NRG1: variants seen among roughly 807,000 people sequenced by gnomAD.
The protein encoded by NRG1 is neuregulin 1.
A neutral mutation model predicts 63.8 loss-of-function variants in NRG1; 18 were observed. The ratio of observed to expected loss-of-function variants is 0.28; its 90% CI spans 0.19 to 0.42. The LOEUF (loss-of-function observed/expected upper bound fraction) is 0.42, where lower values mean the gene tolerates loss of function less well. Among genes scored for constraint, NRG1 ranks in the 10% least tolerant of loss-of-function variants. The pLI, the probability that NRG1 is intolerant of heterozygous loss-of-function variation, is 1.00. For synonymous variants in NRG1, 302 were observed against 301.3 expected (o/e 1.00, Z -0.02); for missense variants, 762 against 814.7 (o/e 0.94, Z 0.79).
chr8:31,691,488 G>GTAGTCCCAGCTACTCA (rs1809505597), intron 1 of NRG1, among the ~76,000 whole-genome samples: 1 of 150,800 alleles, frequency 6.6e-6, no homozygotes, highest in African/African-American at 2.4e-5. Context: ...CCAGCTACTC[G>GTAGTCCCAGCTACTCA]GGAGGCTGAG....
rs150450826 is a variant in NRG1, at chr8:31,919,762, A to C, written c.37+280331A>C. Among the ~76,000 whole-genome samples, 984 of 152,234 alleles carry C rather than the reference A, an allele frequency of 6.5e-3. 10 individuals carry two copies. Among genetic ancestry groups the C allele is most frequent in the African/African-American group, 0.023 (941 of 41,554 alleles). On this transcript the variant is annotated intron_variant, in intron 1 of 10. Transcript: ENST00000519301. ...GGTGAATAAGATGATTCTTACTCTC[A>C]AAGAGCTTATAATTTAGTAGAAGAA...
chr8:32,155,761 C>G (rs1340496078), intron 1 of NRG1, among the ~76,000 whole-genome samples: 2 of 152,174 alleles, frequency 1.3e-5, no homozygotes, highest in Non-Finnish European at 2.9e-5. Context: ...CTAATATCTC[C>G]TATCTCAATG....
intron 6 of NRG1, among the ~76,000 whole-genome samples, chr8:32,734,974 C>T (rs1000682719): frequency 1.3e-5 from 2 of 152,096 alleles, no homozygotes; most frequent in African/African-American, 4.8e-5. Flanking sequence ...AAGTAACAAT[C>T]ATGTTTCATG....
rs1353743871 is a variant in NRG1, at chr8:32,408,919, C to T, written c.38-186909C>T. Among the ~76,000 whole-genome samples, 7 of 152,114 alleles carry T rather than the reference C, an allele frequency of 4.6e-5. No individual in the cohort carries two copies. In the East Asian group the frequency reaches 1.4e-3, roughly 29 times the overall value. The stretch of plus-strand genomic sequence containing the variant: ...TCCCATCTTTCTGAGTCTCCAATGT[C>T]TATTATTCCACCCTCTATGTCCATG... On this transcript the variant is annotated intron_variant, in intron 1 of 10. Transcript: ENST00000519301.
At chr8:32,404,466 A>G (rs1386185616) in intron 1 of NRG1, among the ~76,000 whole-genome samples, 1 of 151,956 alleles carries the variant, frequency 6.6e-6, no homozygotes, top group Non-Finnish European at 1.5e-5. Flanking sequence ...GTTCATGAAT[A>G]TATGAGGGAA....
chr8:31,644,426 A>G (rs529321924), intron 1 of NRG1, among the ~76,000 whole-genome samples: 1 of 152,206 alleles, frequency 6.6e-6, no homozygotes. Flanking sequence ...AGTGGATTTA[A>G]ATATCTGAGT....
intron 6 of NRG1, among the ~76,000 whole-genome samples, chr8:32,729,555 T>C (rs957835060): frequency 6.6e-6 from 1 of 152,202 alleles, no homozygotes; most frequent in African/African-American, 2.4e-5. Context: ...GACTTAAATC[T>C]TGACAAGGAA....
chr8:31,849,097 AAG>A (rs1228307339), intron 1 of NRG1, among the ~76,000 whole-genome samples: 1 of 152,212 alleles, frequency 6.6e-6, no homozygotes, highest in South Asian at 2.1e-4. Flanking sequence ...AGAGGGATTG[AAG>A]AGAGGGAACC....
intron 1 of NRG1, among the ~76,000 whole-genome samples, chr8:32,312,065 T>C (rs1856857370): frequency 6.6e-6 from 1 of 151,926 alleles, no homozygotes. Flanking sequence ...TAATGAGTAA[T>C]TGGAAGAAAA....
chr8:31,805,984 C>G (rs961998633), intron 1 of NRG1, among the ~76,000 whole-genome samples: 1 of 152,074 alleles, frequency 6.6e-6, no homozygotes, highest in Non-Finnish European at 1.5e-5. Context: ...CCACCTAATG[C>G]CCATCAATCA....
At chr8:32,729,199 A>T (rs1174181201) in intron 6 of NRG1, among the ~76,000 whole-genome samples, 2 of 152,238 alleles carry the variant, frequency 1.3e-5, no homozygotes, top group African/African-American at 4.8e-5. Context: ...GACTCATTAA[A>T]AAGTATGTTT....
intron 1 of NRG1, among the ~76,000 whole-genome samples, chr8:32,562,343 G>A (rs1210775483): frequency 6.6e-6 from 1 of 152,092 alleles, no homozygotes; most frequent in Non-Finnish European, 1.5e-5. Context: ...GGACTCCTGG[G>A]CTCTAGTGAT....
intron 1 of NRG1, among the ~76,000 whole-genome samples, chr8:32,524,490 T>A (rs1359812325): frequency 1.9e-5 from 2 of 107,464 alleles, no homozygotes; most frequent in East Asian, 4.4e-4. Context: ...ATGCTTTTCC[T>A]TAAAGATTTT....
At chr8:31,708,961 C>A (rs540679497) in intron 1 of NRG1, among the ~76,000 whole-genome samples, 60 of 152,252 alleles carry the variant, frequency 3.9e-4, no homozygotes, top group Non-Finnish European at 6.8e-4. Flanking sequence ...ATACTGATAA[C>A]CTAAATAGCC....
At chr8:32,698,055 AATTAGCTGAGC>A (rs1813814104) in intron 5 of NRG1, among the ~76,000 whole-genome samples, 1 of 152,082 alleles carries the variant, frequency 6.6e-6, no homozygotes, top group Admixed American at 6.5e-5. Context: ...AAAATACAAA[AATTAGCTGAGC>A]ATGGTGGCAC....
At chr8:32,405,590 A>C (rs895580446) in intron 1 of NRG1, among the ~76,000 whole-genome samples, 1 of 152,152 alleles carries the variant, frequency 6.6e-6, no homozygotes, top group African/African-American at 2.4e-5. Flanking sequence ...ACAACTGGTT[A>C]CCCACACTTG....
At chr8:31,748,864 C>A (rs939423551) in intron 1 of NRG1, among the ~76,000 whole-genome samples, 1 of 151,856 alleles carries the variant, frequency 6.6e-6, no homozygotes, top group South Asian at 2.1e-4. Context: ...TACAGTGATA[C>A]GGGAATCAAT....
chr8:32,293,716 T>C (rs78291411), intron 1 of NRG1, among the ~76,000 whole-genome samples: 3 of 138,580 alleles, frequency 2.2e-5, no homozygotes, highest in African/African-American at 8.6e-5. Context: ...TCTTTTCTTC[T>C]TCTTTTTTTT....
chr8:32,398,410 A>T (rs980486309), intron 1 of NRG1, among the ~76,000 whole-genome samples: 3 of 142,312 alleles, frequency 2.1e-5, no homozygotes, highest in Admixed American at 7.0e-5. Flanking sequence ...TTCCACCCAA[A>T]TTTTTTTTTT....
Sources: allele counts gnomAD v4.1 joint callset (sites outside exome capture counted in the v4.1 genomes callset), GRCh38; gene constraint gnomAD v4.1.1; transcripts MANE v1.5; gene names NCBI Gene and HGNC (gene_info 2026-07-23, HGNC 2026-07-21).